The following SEM1 variants were observed in gnomAD, a reference collection of about 807,000 sequenced individuals.
SEM1 encodes the protein SEM1 26S proteasome subunit.
In SEM1, 3 loss-of-function variants were observed where a neutral mutation model predicts 12.7. The ratio of observed to expected loss-of-function variants is 0.24; its 90% CI spans 0.11 to 0.61. The LOEUF is 0.61. Among genes scored for constraint, SEM1 ranks in the 20% least tolerant of loss-of-function variants. The pLI is 0.88. For missense variants in SEM1, 59 were observed against 81.3 expected, an observed-to-expected ratio of 0.73 and a Z score of 1.06; for synonymous variants, 30 against 27.8, an observed-to-expected ratio of 1.08 and a Z score of -0.25.
chr7:96,693,229 C>T (rs577234060), intron 2 of SEM1, among the ~76,000 whole-genome samples: 46 of 152,134 alleles, frequency 3.0e-4, no homozygotes, highest in African/African-American at 1.1e-3. Context: ...GACTGGAATA[C>T]ATATATCTTC....
intron 2 of SEM1, among the ~76,000 whole-genome samples, chr7:96,596,170 T>C (rs143497448): frequency 6.6e-6 from 1 of 152,348 alleles, no homozygotes; most frequent in Non-Finnish European, 1.5e-5. Flanking sequence ...AACAACTTGC[T>C]TGTAAAACCC....
At chr7:96,592,794 G>T (rs1806868475) in intron 2 of SEM1, among the ~76,000 whole-genome samples, 1 of 151,908 alleles carries the variant, frequency 6.6e-6, no homozygotes, top group Non-Finnish European at 1.5e-5. Context: ...TTCGGTAACT[G>T]CCAGAGGACC....
At chr7:96,502,363 T>C (rs1029739756) in intron 3 of SEM1, among the ~76,000 whole-genome samples, 2 of 151,984 alleles carry the variant, frequency 1.3e-5, no homozygotes, top group South Asian at 4.2e-4. Flanking sequence ...AAGGCCTTTG[T>C]TCATTTGCTG....
At chr7:96,579,584 T>G (rs1338729781) in intron 2 of SEM1, among the ~76,000 whole-genome samples, 1 of 152,214 alleles carries the variant, frequency 6.6e-6, no homozygotes, top group Non-Finnish European at 1.5e-5. Flanking sequence ...ACAAAAATCC[T>G]GAATTATGAT....
chr7:96,696,256 A>AG (rs1043104072), intron 1 of SEM1: 2 of 151,934 alleles, frequency 1.3e-5, no homozygotes, highest in Non-Finnish European at 2.9e-5. Context: ...GCTCATGAAG[A>AG]GGGGGAAAAA....
At chr7:96,645,756 G>A (rs375298353) in intron 2 of SEM1, 38 of 398,248 alleles carry the variant, frequency 9.5e-5, no homozygotes, top group East Asian at 1.8e-4. Flanking sequence ...GACCCATGCC[G>A]GATAGATGGA....
At chr7:96,669,507 T>C (rs1025846363), downstream of SEM1, among the ~76,000 whole-genome samples, 1 of 152,200 alleles carries the variant, frequency 6.6e-6, no homozygotes, top group Non-Finnish European at 1.5e-5. Context: ...ACGTGATTAT[T>C]AGCTCTTAGG....
intron 2 of SEM1, among the ~76,000 whole-genome samples, chr7:96,529,730 T>C (rs1804584904): frequency 6.6e-6 from 1 of 152,176 alleles, no homozygotes; most frequent in African/African-American, 2.4e-5. Flanking sequence ...TGTCCAAGTG[T>C]TTTACACTCA....
chr7:96,532,566 C>T (rs141845429), intron 2 of SEM1, among the ~76,000 whole-genome samples: 13 of 152,218 alleles, frequency 8.5e-5, no homozygotes, highest in African/African-American at 3.1e-4. Flanking sequence ...TTGTTGCCAA[C>T]ATTCCTGACT....
At chr7:96,645,641 T>C (rs1168690304) in intron 2 of SEM1, 1 of 396,608 alleles carries the variant, frequency 2.5e-6, no homozygotes, top group East Asian at 3.6e-5. Context: ...TCTTGAGAGC[T>C]TAAGTTTATA....
intron 2 of SEM1, among the ~76,000 whole-genome samples, chr7:96,601,677 G>C (rs900351652): frequency 1.3e-5 from 2 of 152,148 alleles, no homozygotes; most frequent in African/African-American, 4.8e-5. Context: ...CTGTCACTGA[G>C]ATTGGGAACA....
intron 2 of SEM1, among the ~76,000 whole-genome samples, chr7:96,544,261 T>A (rs1216708657): frequency 6.6e-6 from 1 of 152,058 alleles, no homozygotes; most frequent in Non-Finnish European, 1.5e-5. Context: ...ATAAACTTAA[T>A]TTTTTAAAGT....
chr7:96,672,112 C>T (rs1224780180), downstream of SEM1, among the ~76,000 whole-genome samples: 1 of 152,184 alleles, frequency 6.6e-6, no homozygotes, highest in Non-Finnish European at 1.5e-5. Context: ...TGTATAATCA[C>T]CTGAAAATTA....
chr7:96,706,073 C>T (rs1049289633), intron 1 of SEM1: 4 of 152,122 alleles, frequency 2.6e-5, no homozygotes, highest in African/African-American at 7.2e-5. Context: ...GGCTGTATAT[C>T]ACAAAGATCC....
intron 3 of SEM1, among the ~76,000 whole-genome samples, chr7:96,505,506 CTTT>C (rs1803727644): frequency 6.6e-6 from 1 of 152,092 alleles, no homozygotes. Context: ...ATCATCTCTT[CTTT>C]ATTTATTAGC....
chr7:96,524,936 A>G (rs1190826851), intron 2 of SEM1, among the ~76,000 whole-genome samples: 1 of 152,114 alleles, frequency 6.6e-6, no homozygotes, highest in Non-Finnish European at 1.5e-5. Context: ...ATCCATTTCA[A>G]TTAATTAAAC....
intron 1 of SEM1, among the ~76,000 whole-genome samples, chr7:96,489,499 G>T (rs1055003105): frequency 5.9e-5 from 9 of 152,128 alleles, no homozygotes; most frequent in Non-Finnish European, 1.3e-4. Context: ...ATCACCTAGG[G>T]AGCTTTCATG....
intron 2 of SEM1, among the ~76,000 whole-genome samples, chr7:96,560,135 A>G (rs13241030): frequency 0.6 from 91,972 of 152,074 alleles, 29,187 homozygotes; most frequent in East Asian, 0.76. Flanking sequence ...TAGTTCCGCA[A>G]TGAGCATCTT....
chr7:96,579,574 AC>A (rs1406340255), intron 2 of SEM1, among the ~76,000 whole-genome samples: 1 of 152,240 alleles, frequency 6.6e-6, no homozygotes, highest in Admixed American at 6.5e-5. Flanking sequence ...TCAGAATCTT[AC>A]AAAAATCCTG....
Sources: gnomAD v4.1 joint callset for allele counts (sites outside exome capture counted in the v4.1 genomes callset) on GRCh38, gnomAD v4.1.1 for gene constraint, MANE v1.5 for transcripts, NCBI Gene and HGNC (gene_info 2026-07-23, HGNC 2026-07-21) for gene names.